The following TMEM108 variants were observed in gnomAD, a reference collection of about 807,000 sequenced individuals.
The protein encoded by TMEM108 is transmembrane protein 108.
TMEM108 carries 12 observed loss-of-function variants against 35.1 expected under a neutral mutation model. The ratio of observed to expected loss-of-function variants is 0.34; its 90% CI spans 0.22 to 0.55. TMEM108 has a LOEUF of 0.55. Ranked by LOEUF, TMEM108 falls within the 20% of genes least tolerant of loss-of-function variation. TMEM108 has a pLI of 0.89. For synonymous variants in TMEM108, 287 were observed against 308.6 expected, an observed-to-expected ratio of 0.93 and a Z score of 0.73; for missense variants, 680 against 753.3, an observed-to-expected ratio of 0.90 and a Z score of 1.14.
chr3:133,115,698 C>T (rs1184595022), intron 2 of TMEM108, among the ~76,000 whole-genome samples: 2 of 152,166 alleles, frequency 1.3e-5, no homozygotes, highest in African/African-American at 4.8e-5. Context: ...CATGTTTTTT[C>T]TTTCTTACAG....
intron 3 of TMEM108, among the ~76,000 whole-genome samples, chr3:133,351,852 A>T (rs192960453): frequency 1.3e-5 from 2 of 152,272 alleles, no homozygotes; most frequent in Non-Finnish European, 2.9e-5. Context: ...TATGCAGCTC[A>T]TCAGCAGAGG....
chr3:133,133,691 C>T (rs1277797709), intron 2 of TMEM108, among the ~76,000 whole-genome samples: 18 of 144,042 alleles, frequency 1.2e-4, no homozygotes, highest in African/African-American at 2.3e-4. Flanking sequence ...CTTTTTTTTT[C>T]TTTCTTTTTT....
At chr3:133,174,880 G>T (rs1237490093) in intron 2 of TMEM108, among the ~76,000 whole-genome samples, 1 of 152,156 alleles carries the variant, frequency 6.6e-6, no homozygotes, top group African/African-American at 2.4e-5. Context: ...ACTACTCCGA[G>T]CTAAAGGAGG....
rs139834716 is a variant in TMEM108, at chr3:133,267,235, T to C, written c.40+37884T>C. Among the ~76,000 whole-genome samples the C allele has an allele frequency of 2.4e-3, 361 of 152,296 alleles. 2 individuals carry two copies. Among genetic ancestry groups the C allele is most frequent in the African/African-American group, 7.9e-3 (329 of 41,568 alleles). On this transcript the variant is annotated intron_variant, in intron 3 of 5. Transcript: ENST00000321871. ...TGGCACTGAGGATACCAAAATGATATAGTCCTCTGCCTCTAAGGAGCTCAC... is the reference window on the plus strand; with the variant it reads ...TGGCACTGAGGATACCAAAATGATACAGTCCTCTGCCTCTAAGGAGCTCAC...
chr3:133,254,680 C>T (rs1436967852), intron 3 of TMEM108, among the ~76,000 whole-genome samples: 1 of 152,188 alleles, frequency 6.6e-6, no homozygotes, highest in African/African-American at 2.4e-5. Context: ...TTATCAGATA[C>T]TGAATATGAA....
chr3:133,165,972 GA>G (rs1362145080), intron 2 of TMEM108, among the ~76,000 whole-genome samples: 1 of 152,224 alleles, frequency 6.6e-6, no homozygotes, highest in East Asian at 1.9e-4. Context: ...GAACCAGCCA[GA>G]ATCAGTCCAT....
chr3:133,171,251 G>A (rs1224596261), intron 2 of TMEM108, among the ~76,000 whole-genome samples: 3 of 152,180 alleles, frequency 2.0e-5, no homozygotes, highest in African/African-American at 7.2e-5. Flanking sequence ...TGTGCTTTCA[G>A]AGAGTATCAG....
rs543295726 is a variant in TMEM108, at chr3:133,380,868, C to G, written c.1157C>G (p.Pro386Arg). ...PQGASTTPQA[P>R]THPSRVSEST... ...GGAGCATCCACAACCCCACAAGCTC[C>G]AACCCATCCCTCCAGGGTCTCAGAA... Residue 386 changes from proline to arginine, a missense_variant, in exon 4 of 6, where the codon CCA (proline) becomes CGA (arginine). By Grantham distance (103) the Pro-to-Arg change is moderately radical. Transcript: ENST00000321871. This position sits in a 1 kb window ranked among gnomAD's most constrained non-coding sequence, Gnocchi z 5.3. The G allele has an allele frequency of 1.9e-6, 3 of 1,614,194 alleles. No homozygotes were observed. Among genetic ancestry groups the G allele is most frequent in the East Asian group, 4.5e-5 (2 of 44,884 alleles).
intron 3 of TMEM108, among the ~76,000 whole-genome samples, chr3:133,359,101 C>T (rs1463160246): frequency 6.6e-6 from 1 of 152,180 alleles, no homozygotes; most frequent in East Asian, 1.9e-4. Flanking sequence ...AGGACCATAT[C>T]CATCAAGCCT....
At chr3:133,245,002 T>G (rs1214717933) in intron 3 of TMEM108, among the ~76,000 whole-genome samples, 1 of 152,258 alleles carries the variant, frequency 6.6e-6, no homozygotes, top group African/African-American at 2.4e-5. Flanking sequence ...AAGCATCAGA[T>G]AAGCAGTTGC....
At chr3:133,335,516 A>G (rs2107733837) in intron 3 of TMEM108, among the ~76,000 whole-genome samples, 1 of 152,334 alleles carries the variant, frequency 6.6e-6, no homozygotes, top group South Asian at 2.1e-4. Context: ...CTATTTGAAG[A>G]CAAAAAAGTG....
intron 3 of TMEM108, among the ~76,000 whole-genome samples, chr3:133,313,464 C>T (rs1006642452): frequency 5.9e-5 from 9 of 152,174 alleles, no homozygotes; most frequent in South Asian, 2.1e-4. Flanking sequence ...GGATTACAGG[C>T]GTGAGCCACC....
intron 2 of TMEM108, among the ~76,000 whole-genome samples, chr3:133,175,390 A>G (rs1308773719): frequency 6.6e-6 from 1 of 152,202 alleles, no homozygotes; most frequent in African/African-American, 2.4e-5. Context: ...TCAAGTTGAA[A>G]TGAGGGAAAA....
At chr3:133,143,993 T>C (rs1157922053) in intron 2 of TMEM108, among the ~76,000 whole-genome samples, 2 of 151,532 alleles carry the variant, frequency 1.3e-5, no homozygotes, top group Non-Finnish European at 2.9e-5. Flanking sequence ...TTTGCTTTGC[T>C]TTAAATTCTG....
chr3:133,138,869 C>T (rs772031562), intron 2 of TMEM108, among the ~76,000 whole-genome samples: 1 of 151,836 alleles, frequency 6.6e-6, no homozygotes, highest in African/African-American at 2.4e-5. Context: ...ACCCATCAAC[C>T]CGTGTTCATC....
At chr3:133,048,810 G>C (rs1019709500) in intron 2 of TMEM108, among the ~76,000 whole-genome samples, 4 of 152,192 alleles carry the variant, frequency 2.6e-5, no homozygotes, top group African/African-American at 9.7e-5. Context: ...CTTGAAGAAA[G>C]AGGCACTTTG....
At chr3:133,190,315 G>A (rs1392252289) in intron 2 of TMEM108, among the ~76,000 whole-genome samples, 1 of 152,028 alleles carries the variant, frequency 6.6e-6, no homozygotes, top group African/African-American at 2.4e-5. Flanking sequence ...TTTATATCAG[G>A]GGAAGAAACA....
intron 2 of TMEM108, among the ~76,000 whole-genome samples, chr3:133,091,690 A>AT (rs1391442223): frequency 6.6e-6 from 1 of 152,242 alleles, no homozygotes; most frequent in Non-Finnish European, 1.5e-5. Flanking sequence ...GTGAGAGGTT[A>AT]TCAAGTTCAT....
chr3:133,163,238 C>T (rs1426164857), intron 2 of TMEM108, among the ~76,000 whole-genome samples: 1 of 152,098 alleles, frequency 6.6e-6, no homozygotes, highest in Non-Finnish European at 1.5e-5. Context: ...GGCTTCTTGC[C>T]TTACTTTCTT....
Sources: allele counts gnomAD v4.1 joint callset (sites outside exome capture counted in the v4.1 genomes callset), GRCh38; gene constraint gnomAD v4.1.1; non-coding constraint Gnocchi (gnomAD v3.1); transcripts MANE v1.5; gene names NCBI Gene and HGNC (gene_info 2026-07-23, HGNC 2026-07-21).